Variants in ABCD4 observed in about 807,000 individuals in gnomAD.
ABCD4 encodes ATP binding cassette subfamily D member 4.
A neutral mutation model predicts 86.3 loss-of-function variants in ABCD4; 53 were observed. The observed-to-expected ratio is 0.61, with a 90% confidence interval of 0.49 to 0.77. The LOEUF (loss-of-function observed/expected upper bound fraction) is 0.77, where lower values mean the gene tolerates loss of function less well. ABCD4 is among the 30% of genes least tolerant of loss of function. ABCD4 has a pLI of 0.00. For synonymous variants in ABCD4, 328 were observed against 313.6 expected, an observed-to-expected ratio of 1.05 and a Z score of -0.49; for missense variants, 757 against 764.5, an observed-to-expected ratio of 0.99 and a Z score of 0.12.
Position 74,290,317 on chromosome 14 carries a change from A to C in ABCD4, c.1301T>G (p.Leu434Arg). Residue 434 changes from leucine to arginine, a missense_variant, in exon 12 of 19, where the codon CTG (leucine) becomes CGG (arginine). By Grantham distance (102) the Leu-to-Arg change is moderately radical. Coordinates refer to ENST00000356924, the MANE Select transcript of ABCD4 (RefSeq NM_005050.4). ...CCGTGTACTCGTCCAGAGGCCACCCAGAACCCGGAGCAAGGAGGTCTTGCC... is the reference window on the plus strand; with the variant it reads ...CCGTGTACTCGTCCAGAGGCCACCCCGAACCCGGAGCAAGGAGGTCTTGCC... ...GTGKTSLLRVLGGLWTSTRGS... is the reference protein window; with the variant it reads ...GTGKTSLLRVRGGLWTSTRGS... The C allele has an allele frequency of 6.2e-7, 1 of 1,614,212 alleles. No individual in the cohort carries two copies. Among genetic ancestry groups the C allele is most frequent in the Non-Finnish European group, 8.5e-7 (1 of 1,180,034 alleles).
intron 7 of ABCD4, chr14:74,293,698 T>C (rs74063821): frequency 0.064 from 9,872 of 153,322 alleles, 1,088 homozygotes; most frequent in African/African-American, 0.23. Flanking sequence ...GTACCAGGCA[T>C]TGCACTAGTT....
At position 74,292,558 on chromosome 14, in the gene ABCD4, T is replaced by C; in HGVS notation, c.1021A>G (p.Thr341Ala). Residue 341 changes from threonine to alanine, a missense_variant, in exon 10 of 19, where the codon ACG becomes GCG. Coordinates refer to ENST00000356924, the MANE Select transcript of ABCD4 (RefSeq NM_005050.4). The stretch of plus-strand genomic sequence containing the variant: ...GGTGGGACACGGCCTCACCTGTGCG[T>C]GTAGCCAGCCACATCTGAGAGCGTC... The part of the protein sequence containing the change: ...STTLSDVAGY[T>A]HRIGQLRETL... The C allele has an allele frequency of 6.2e-7, 1 of 1,613,996 alleles. No individual in the cohort carries two copies. The highest frequency in any genetic ancestry group is 8.5e-7 in the Non-Finnish European group (1 of 1,179,982).
chr14:74,293,018 G>A, intron 8 of ABCD4, 136 bp downstream of exon 8: 2 of 1,452,422 alleles, frequency 1.4e-6, no homozygotes, highest in African/African-American at 1.4e-5. Flanking sequence ...AAAGGCAACA[G>A]CCCCCCCTCC....
intron 16 of ABCD4, 57 bp downstream of exon 16, chr14:74,288,150 G>GA (rs2080349946): frequency 6.3e-7 from 1 of 1,581,814 alleles, no homozygotes; most frequent in South Asian, 1.1e-5. Flanking sequence ...CAGGGACCCT[G>GA]AAACCCACTG....
At chr14:74,298,303 C>A (rs911569747) in intron 3 of ABCD4, among the ~76,000 whole-genome samples, 18 of 152,266 alleles carry the variant, frequency 1.2e-4, no homozygotes, top group Middle Eastern at 3.4e-3. Flanking sequence ...TGGAGTTTTA[C>A]TCTTGTTGCC....
chr14:74,297,801 A>C (rs2083259118), intron 4 of ABCD4, 129 bp downstream of exon 4: 1 of 1,435,942 alleles, frequency 7.0e-7, no homozygotes, highest in Non-Finnish European at 9.1e-7. Context: ...CTCCCCCATG[A>C]CTCTGGGCAG....
At chr14:74,286,666 TCTC>T (rs755742722) in intron 18 of ABCD4, 32 bp downstream of exon 18, 2 of 1,613,538 alleles carry the variant, frequency 1.2e-6, no homozygotes, top group Non-Finnish European at 1.7e-6. Flanking sequence ...TTGGGTTCTT[TCTC>T]CTCCTCAGGC....
intron 2 of ABCD4, 58 bp from the exon 3 acceptor site, chr14:74,299,733 T>G (rs2083826760): frequency 6.5e-7 from 1 of 1,545,898 alleles, no homozygotes; most frequent in Non-Finnish European, 8.8e-7. Flanking sequence ...GAAGGGAGGC[T>G]TCTTCCTGAG....
At chr14:74,287,689 A>G (rs2080187840) in intron 17 of ABCD4, 121 bp downstream of exon 17, 4 of 930,564 alleles carry the variant, frequency 4.3e-6, no homozygotes, top group Admixed American at 4.1e-5. Flanking sequence ...TGTCCTCTCC[A>G]GCAGGGAATG....
intron 1 of ABCD4, 105 bp downstream of exon 1, chr14:74,302,770 G>C (rs1268440767): frequency 7.9e-7 from 1 of 1,269,394 alleles, no homozygotes; most frequent in Non-Finnish European, 1.0e-6. Flanking sequence ...ACGGGGGCGA[G>C]ACGGGGGCGC....
In ABCD4 at chr14:74,286,282, A is replaced by C. The variant is rs2079719329; in HGVS notation, c.*179T>G. 1.6e-6 allele frequency: 1 copy of C among 626,256 alleles called. No homozygotes were observed. The highest frequency in any genetic ancestry group is 2.8e-5 in the East Asian group (1 of 36,148). The allele number at this position is 626,256 out of a possible 1,614,324, so 38.8% of individuals were successfully genotyped here. A position where few individuals can be genotyped will look rare whatever the true frequency, so the allele number is the denominator to read the frequency against. On this transcript the variant is annotated 3_prime_UTR_variant, in exon 19 of 19. Coordinates refer to ENST00000356924, the MANE Select transcript of ABCD4 (RefSeq NM_005050.4). ...AACACTGGGAGATTCAGTGTCCCCC[A>C]CAGAAACCTAGACCTGGGCTCAGCC... is the stretch of plus-strand genomic sequence containing the variant.
intron 15 of ABCD4, 187 bp from the exon 16 acceptor site, chr14:74,288,446 A>G (rs1414867745): frequency 4.6e-6 from 3 of 658,782 alleles, no homozygotes; most frequent in East Asian, 2.7e-5. Context: ...TCTACCAATG[A>G]CACTGTTTAG....
chr14:74,295,871 C>A lies in ABCD4; in HGVS notation c.651G>T (p.Lys217Asn). Reference protein sequence around the residue: ...PIVMKLVHQEKLEGDFRFKHM... With the variant: ...PIVMKLVHQENLEGDFRFKHM... Reference sequence around the variant, plus strand: ...AGACACACCTAAAATCTCCCTCCAGCTTCTCCTGATGCACCAGCTTCATCA... The same window carrying A: ...AGACACACCTAAAATCTCCCTCCAGATTCTCCTGATGCACCAGCTTCATCA... Residue 217 changes from lysine (K) to asparagine (N), a missense_variant, in exon 6 of 19, where the codon AAG becomes AAT. Transcript: ENST00000356924. 1 of 1,613,664 alleles carries A rather than the reference C, an allele frequency of 6.2e-7. No homozygotes were observed. The highest frequency in any genetic ancestry group is 8.5e-7 in the Non-Finnish European group (1 of 1,179,888).
intron 9 of ABCD4, 35 bp downstream of exon 9, chr14:74,292,713 G>C: frequency 6.2e-7 from 1 of 1,613,934 alleles, no homozygotes; most frequent in Non-Finnish European, 8.5e-7. Context: ...GGACAGAGAG[G>C]GACAGCATGT....
Position 74,300,206 on chromosome 14 carries a change from G to A in ABCD4, c.101C>T (p.Ser34Phe). 1 of 1,613,666 alleles carries A rather than the reference G, an allele frequency of 6.2e-7. No homozygotes were observed. Among genetic ancestry groups the A allele is most frequent in the South Asian group, 1.1e-5 (1 of 91,072 alleles). ...CATCAAGGCATTTTGTGATGACCAAGAAGGAAACAAAACCTTCAGTATCTG... is the reference window on the plus strand; with the variant it reads ...CATCAAGGCATTTTGTGATGACCAAAAAGGAAACAAAACCTTCAGTATCTG... ...FLQILKVLFP[S>F]WSSQNALMFL... The change falls in exon 2 of 19, where the codon TCT becomes TTT. Residue 34 changes from serine (S) to phenylalanine (F), a missense_variant. Physicochemically the swap from Ser to Phe is radical, Grantham distance 155. Transcript: ENST00000356924.
At chr14:74,300,099 A>ACCC (rs764985571) in intron 2 of ABCD4, 51 bp downstream of exon 2, 1 of 801,160 alleles carries the variant, frequency 1.2e-6, no homozygotes, top group East Asian at 2.7e-5. Flanking sequence ...ATGGAAAGGG[A>ACCC]CCCCAAACCA....
chr14:74,292,472 T>C lies in ABCD4; in HGVS notation c.1028+79A>G, dbSNP rs74063811. ...CACCCACGAGTACATGGTATGTCTCTGTTCCTTTTTTCACTCAGCCACTTC... is the reference window on the plus strand; with the variant it reads ...CACCCACGAGTACATGGTATGTCTCCGTTCCTTTTTTCACTCAGCCACTTC... On this transcript the variant is annotated intron_variant, in intron 10 of 18. Transcript: ENST00000356924. The C allele has an allele frequency of 0.012, 19,466 of 1,590,800 alleles. 1,993 individuals carry two copies. The African/African-American group carries it at 0.23, about 19-fold the overall frequency.
At chr14:74,288,530 T>C (rs991965171) in intron 15 of ABCD4, 186 bp downstream of exon 15, 4 of 693,016 alleles carry the variant, frequency 5.8e-6, no homozygotes, top group Middle Eastern at 3.7e-4. Context: ...AATTCTCCAA[T>C]GAGAGCACTA....
chr14:74,286,628 G>A, intron 18 of ABCD4, 73 bp downstream of exon 18: 1 of 1,612,122 alleles, frequency 6.2e-7, no homozygotes, highest in Non-Finnish European at 8.5e-7. Flanking sequence ...CGTTTTGAGG[G>A]GCCTCTGGCC....
Sources: gnomAD v4.1 joint callset for allele counts (sites outside exome capture counted in the v4.1 genomes callset) on GRCh38, gnomAD v4.1.1 for gene constraint, MANE v1.5 for transcripts, NCBI Gene and HGNC (gene_info 2026-07-23, HGNC 2026-07-21) for gene names.